The following KIF9 variants were observed in gnomAD, a reference collection of about 807,000 sequenced individuals.
KIF9 encodes the protein kinesin family member 9.
Under a neutral mutation model 94.8 loss-of-function variants are expected in KIF9, and 68 were observed. That is an observed-to-expected ratio of 0.72 (90% CI 0.59 to 0.88). The LOEUF (loss-of-function observed/expected upper bound fraction) is 0.88, where lower values mean the gene tolerates loss of function less well. KIF9 is among the 40% of genes least tolerant of loss of function. The pLI is 0.00. For synonymous variants in KIF9, 343 were observed against 362.1 expected (o/e 0.95, Z 0.60); for missense variants, 882 against 982.5 (o/e 0.90, Z 1.37).
At chr3:47,244,377 T>G (rs1699784442) in intron 15 of KIF9, 1 of 162,448 alleles carries the variant, frequency 6.2e-6, no homozygotes, top group Non-Finnish European at 1.3e-5. Flanking sequence ...GTGACCTGAG[T>G]GCCAGTCGGC....
At chr3:47,266,916 C>T (rs1020529641) in intron 7 of KIF9, 60 bp downstream of exon 7, 1 of 1,229,158 alleles carries the variant, frequency 8.1e-7, no homozygotes, top group African/African-American at 1.5e-5. Context: ...TGTGCAGGCA[C>T]TGTGCCAGAA....
intron 20 of KIF9, among the ~76,000 whole-genome samples, chr3:47,231,360 G>T (rs934681400): frequency 6.6e-6 from 1 of 150,730 alleles, no homozygotes; most frequent in Admixed American, 6.6e-5. Context: ...ACATCATCTG[G>T]GAGTTTATTC....
intron 17 of KIF9, among the ~76,000 whole-genome samples, chr3:47,237,456 G>T (rs1234293012): frequency 6.6e-6 from 1 of 152,158 alleles, no homozygotes; most frequent in Non-Finnish European, 1.5e-5. Flanking sequence ...GCTATCAAAG[G>T]GCTCCAGGGA....
chr3:47,273,470 T>C, intron 4 of KIF9, 82 bp downstream of exon 4: 2 of 1,064,212 alleles, frequency 1.9e-6, no homozygotes, highest in Admixed American at 2.2e-5. Context: ...CCACTGTCTC[T>C]AGTAGCTGGC....
At chr3:47,260,689 T>C (rs989800969) in intron 9 of KIF9, among the ~76,000 whole-genome samples, 8 of 152,214 alleles carry the variant, frequency 5.3e-5, no homozygotes, top group Admixed American at 3.9e-4. Context: ...CACCCACCCA[T>C]GGCCACAGAG....
At chr3:47,275,733 T>G (rs1701925189) in intron 2 of KIF9, among the ~76,000 whole-genome samples, 1 of 152,220 alleles carries the variant, frequency 6.6e-6, no homozygotes, top group South Asian at 2.1e-4. Flanking sequence ...CCTCTAACCC[T>G]AGTTCACACG....
At chr3:47,276,793 T>A (rs1702001494) in intron 2 of KIF9, among the ~76,000 whole-genome samples, 1 of 152,206 alleles carries the variant, frequency 6.6e-6, no homozygotes, top group Non-Finnish European at 1.5e-5. Flanking sequence ...GTTTGCTGAA[T>A]GAAAATATCT....
chr3:47,233,583 C>T (rs1698778005), intron 20 of KIF9, among the ~76,000 whole-genome samples: 1 of 151,022 alleles, frequency 6.6e-6, no homozygotes, highest in South Asian at 2.1e-4. Flanking sequence ...ATAGTCCCAG[C>T]TACTCGGGAG....
At chr3:47,256,073 C>T (rs1053599814) in intron 10 of KIF9, among the ~76,000 whole-genome samples, 2 of 152,240 alleles carry the variant, frequency 1.3e-5, no homozygotes, top group Admixed American at 1.3e-4. Flanking sequence ...TCAATGGTGC[C>T]CAGGCTGGAG....
At chr3:47,269,768 ATTTT>A (rs36108313) in intron 5 of KIF9, among the ~76,000 whole-genome samples, 3 of 86,466 alleles carry the variant, frequency 3.5e-5, no homozygotes, top group Non-Finnish European at 6.1e-5. Flanking sequence ...CTCCCAGCTA[ATTTT>A]TTTTTTTTTT....
intron 17 of KIF9, among the ~76,000 whole-genome samples, chr3:47,238,937 A>G (rs2107123234): frequency 6.6e-6 from 1 of 152,344 alleles, no homozygotes; most frequent in East Asian, 1.9e-4. Context: ...TGCTGGGATT[A>G]TAGGCGTGAG....
In KIF9 at chr3:47,274,243, A is replaced by G. The variant is rs1270469612; in HGVS notation, c.260-585T>C. 5.3e-5 allele frequency among the ~76,000 whole-genome samples: 8 copies of G among 152,216 alleles called. No homozygotes were observed. In the South Asian group the frequency reaches 1.2e-3, roughly 24 times the overall value. On this transcript the variant is annotated intron_variant, in intron 3 of 20. Transcript: ENST00000684063. ...CTTCCAGAAATGTACCACCATGATC[A>G]GGCCCTGATCTGGTCCACTGCCCAC...
intron 16 of KIF9, among the ~76,000 whole-genome samples, chr3:47,242,796 A>G (rs907262706): frequency 6.6e-6 from 1 of 152,166 alleles, no homozygotes; most frequent in African/African-American, 2.4e-5. Flanking sequence ...AAAGATACAT[A>G]ACTTTAATTA....
Position 47,264,302 on chromosome 3 carries a change from G to A in KIF9, c.965C>T (p.Ala322Val). 6.2e-7 allele frequency: 1 copy of A among 1,613,328 alleles called. No individual in the cohort carries two copies. The highest frequency in any genetic ancestry group is 8.5e-7 in the Non-Finnish European group (1 of 1,179,312). ...TTTACATACCGTTTCTTCTAACTGG[G>A]CAGCTTCTCCATAGATGTTTGTCAC... Reference protein sequence around the residue: ...VLVTNIYGEAAQLEETLSSLR... With the variant: ...VLVTNIYGEAVQLEETLSSLR... Residue 322 changes from alanine to valine, a missense_variant, in exon 9 of 21, where the codon GCC (alanine) becomes GTC (valine). By Grantham distance (64) the Ala-to-Val change is moderately conservative (BLOSUM62 0). Transcript: ENST00000684063.
chr3:47,258,015 AC>A (rs1700730122), intron 9 of KIF9, among the ~76,000 whole-genome samples: 2 of 151,990 alleles, frequency 1.3e-5, no homozygotes, highest in Admixed American at 6.6e-5. Flanking sequence ...TGCCCCTTCC[AC>A]AAACCACAGT....
Position 47,245,214 on chromosome 3 carries a change from T to C in KIF9, c.1380+207A>G, listed in dbSNP as rs1699843798. 6.6e-6 allele frequency: 4 copies of C among 606,602 alleles called. No individual in the cohort carries two copies. The South Asian group carries it at 8.1e-5, about 12-fold the overall frequency. 37.6% of individuals were successfully genotyped at this position (606,602 alleles called of 1,614,324 possible). ...AATTCCAGGAAATCGTCTTTAATATTATTATCCATGTCTCTACCTTATGGA... is the reference window on the plus strand; with the variant it reads ...AATTCCAGGAAATCGTCTTTAATATCATTATCCATGTCTCTACCTTATGGA... On this transcript the variant is annotated intron_variant, in intron 14 of 20. Transcript: ENST00000684063.
chr3:47,270,974 A>G (rs546384569), intron 5 of KIF9, among the ~76,000 whole-genome samples: 11 of 110,988 alleles, frequency 9.9e-5, no homozygotes, highest in African/African-American at 3.2e-4. Context: ...CCTTGTCTCT[A>G]CAAAAAAAAA....
At chr3:47,263,715 G>T (rs1701121084) in intron 9 of KIF9, 1 of 377,176 alleles carries the variant, frequency 2.7e-6, no homozygotes, top group Non-Finnish European at 5.2e-6. Flanking sequence ...TCCTCTGAAG[G>T]TCTCCTCCCT....
intron 7 of KIF9, 187 bp from the exon 8 acceptor site, chr3:47,266,064 A>C (rs1701272822): frequency 1.8e-6 from 1 of 562,396 alleles, no homozygotes; most frequent in Non-Finnish European, 3.1e-6. Flanking sequence ...GGTAATACCA[A>C]AACTCAGAAA....
Sources: allele counts gnomAD v4.1 joint callset (sites outside exome capture counted in the v4.1 genomes callset), GRCh38; gene constraint gnomAD v4.1.1; transcripts MANE v1.5; gene names NCBI Gene and HGNC (gene_info 2026-07-23, HGNC 2026-07-21).